The following RBFOX2 variants were observed in gnomAD, a reference collection of about 807,000 sequenced individuals.
The protein encoded by RBFOX2 is RNA binding fox-1 homolog 2.
Under a neutral mutation model 49.1 loss-of-function variants are expected in RBFOX2, and 10 were observed. That is an observed-to-expected ratio of 0.20 (90% CI 0.13 to 0.35). RBFOX2 has a LOEUF of 0.35. RBFOX2 is among the 10% of genes least tolerant of loss of function. RBFOX2 has a pLI of 1.00. For missense variants in RBFOX2, 323 were observed against 486.9 expected (o/e 0.66, Z 3.17); for synonymous variants, 183 against 187.4 (o/e 0.98, Z 0.19).
At chr22:35,797,944 T>C (rs552432766) in intron 2 of RBFOX2, among the ~76,000 whole-genome samples, 1 of 152,318 alleles carries the variant, frequency 6.6e-6, no homozygotes, top group African/African-American at 2.4e-5. Context: ...GCTTCATTAC[T>C]CTCTTTCTAG....
At chr22:35,824,531 A>T (rs1955225584) in intron 1 of RBFOX2, among the ~76,000 whole-genome samples, 1 of 152,220 alleles carries the variant, frequency 6.6e-6, no homozygotes, top group Non-Finnish European at 1.5e-5. Context: ...CTTTATCACA[A>T]TGAGGCCAGC....
chr22:35,817,560 AG>A (rs1953403568), intron 1 of RBFOX2, among the ~76,000 whole-genome samples: 1 of 152,174 alleles, frequency 6.6e-6, no homozygotes, highest in Non-Finnish European at 1.5e-5. Flanking sequence ...TATAAATGTA[AG>A]TTTCCTAAAA....
Position 35,929,938 on chromosome 22 carries a change from C to G in RBFOX2, c.-34+8909G>C, listed in dbSNP as rs6000038. Among the ~76,000 whole-genome samples, 50 of 151,434 alleles carry G rather than the reference C, an allele frequency of 3.3e-4. 1 individual carries two copies. The highest frequency in any genetic ancestry group is 1.2e-3 in the African/African-American group (48 of 41,262). On this transcript the variant is annotated intron_variant, in intron 1 of 13. Transcript: ENST00000359369. ...ACTAAAGCTGGACTGTGACACAACT[C>G]TATACGTTTACTAAATATCACTGAA...
At chr22:35,930,065 A>G (rs1603450030) in intron 1 of RBFOX2, among the ~76,000 whole-genome samples, 1 of 129,988 alleles carries the variant, frequency 7.7e-6, no homozygotes, top group Non-Finnish European at 1.5e-5. Context: ...TCTGTCGCCC[A>G]GGCTCGAGTG....
chr22:35,847,288 C>T (rs544297393), intron 1 of RBFOX2, among the ~76,000 whole-genome samples: 9 of 152,262 alleles, frequency 5.9e-5, no homozygotes, highest in East Asian at 1.9e-4. Flanking sequence ...AAAATATTTT[C>T]GAACTTTCTG....
In RBFOX2 at chr22:35,976,450, A is replaced by G. The variant is rs1338917326; in HGVS notation, c.187-37553T>C. Among the ~76,000 whole-genome samples, 4 of 152,140 alleles carry G rather than the reference A, an allele frequency of 2.6e-5. No individual in the cohort carries two copies. In the East Asian group the frequency reaches 7.7e-4, roughly 29 times the overall value. ...CTCCAAGATCTCCACCTCCCTCAACATCTAGATCCATCCTTTCACAAATAT... is the reference window on the plus strand; with the variant it reads ...CTCCAAGATCTCCACCTCCCTCAACGTCTAGATCCATCCTTTCACAAATAT... On this transcript the variant is annotated intron_variant, in intron 1 of 13. Coordinates refer to the RBFOX2 transcript ENST00000438146.
chr22:35,967,977 G>GA (rs1307883374), intron 1 of RBFOX2, among the ~76,000 whole-genome samples: 1 of 152,104 alleles, frequency 6.6e-6, no homozygotes, highest in Admixed American at 6.5e-5. Context: ...AGTGGGGCAG[G>GA]AAAGGAAAAA....
chr22:35,829,149 A>G (rs76404174), intron 1 of RBFOX2, among the ~76,000 whole-genome samples: 6,552 of 152,264 alleles, frequency 0.043, 479 homozygotes, highest in African/African-American at 0.15. Flanking sequence ...AAAGCTCAAG[A>G]ATATTTATAG....
At chr22:35,776,041 G>A (rs1943850250) in intron 4 of RBFOX2, among the ~76,000 whole-genome samples, 4 of 152,024 alleles carry the variant, frequency 2.6e-5, no homozygotes. Flanking sequence ...TTAGATTCTA[G>A]TTAAGAATAT....
intron 1 of RBFOX2, among the ~76,000 whole-genome samples, chr22:35,827,540 A>G (rs781150263): frequency 1.2e-4 from 19 of 152,204 alleles, no homozygotes; most frequent in Non-Finnish European, 2.5e-4. Flanking sequence ...CTAGTTTCAG[A>G]TAATGTCTTG....
intron 1 of RBFOX2, among the ~76,000 whole-genome samples, chr22:35,980,688 C>G (rs2057412803): frequency 6.6e-6 from 1 of 152,056 alleles, no homozygotes; most frequent in Non-Finnish European, 1.5e-5. Flanking sequence ...TTGCAAGCAG[C>G]TTGCATACAG....
intron 2 of RBFOX2, among the ~76,000 whole-genome samples, chr22:35,789,720 C>G (rs557273399): frequency 6.6e-6 from 1 of 152,328 alleles, no homozygotes; most frequent in Admixed American, 6.5e-5. Context: ...TTTCTTCTCT[C>G]TCTGAGCATA....
chr22:35,869,026 A>C (rs1413365793), intron 1 of RBFOX2, among the ~76,000 whole-genome samples: 1 of 152,152 alleles, frequency 6.6e-6, no homozygotes, highest in Non-Finnish European at 1.5e-5. Context: ...CTGCTTTCAC[A>C]GAAACCTCAA....
chr22:35,961,792 C>T (rs1225215352), upstream of RBFOX2: 44 of 1,093,356 alleles, frequency 4.0e-5, no homozygotes, highest in Non-Finnish European at 5.0e-5. Flanking sequence ...GGAACCTGAG[C>T]TAAATTTAGC....
At chr22:35,771,575 ACATAC>A in intron 4 of RBFOX2, among the ~76,000 whole-genome samples, 1 of 152,312 alleles carries the variant, frequency 6.6e-6, no homozygotes, top group South Asian at 2.1e-4. Context: ...GGGAATTAAT[ACATAC>A]CTCTTAGAAT....
chr22:35,905,195 T>C (rs952509154), intron 1 of RBFOX2, among the ~76,000 whole-genome samples: 1 of 152,010 alleles, frequency 6.6e-6, no homozygotes, highest in Non-Finnish European at 1.5e-5. Flanking sequence ...GAAAAGGAAC[T>C]GGGAAGCAGT....
chr22:35,993,964 G>C (rs890904854), intron 1 of RBFOX2: 1 of 152,032 alleles, frequency 6.6e-6, no homozygotes, highest in South Asian at 2.1e-4. Context: ...TCCAGCCTGG[G>C]AGACAGAACG....
chr22:35,837,272 G>A (rs1374615712), intron 1 of RBFOX2, among the ~76,000 whole-genome samples: 1 of 152,162 alleles, frequency 6.6e-6, no homozygotes, highest in Non-Finnish European at 1.5e-5. Context: ...TCCAACAGCT[G>A]AGCAATGGAA....
intron 1 of RBFOX2, among the ~76,000 whole-genome samples, chr22:35,936,790 T>C (rs1159656874): frequency 6.6e-6 from 1 of 152,206 alleles, no homozygotes; most frequent in Non-Finnish European, 1.5e-5. Context: ...TTTTAGGCTT[T>C]AATAAATTCC....
Sources: gnomAD v4.1 joint callset for allele counts (sites outside exome capture counted in the v4.1 genomes callset) on GRCh38, gnomAD v4.1.1 for gene constraint, MANE v1.5 for transcripts, NCBI Gene and HGNC (gene_info 2026-07-23, HGNC 2026-07-21) for gene names.